The following INVS variants were observed in gnomAD, a reference collection of about 807,000 sequenced individuals.
The protein encoded by INVS is inversion of embryo turning homolog.
A neutral mutation model predicts 108.8 loss-of-function variants in INVS; 86 were observed. The ratio of observed to expected loss-of-function variants is 0.79; its 90% CI spans 0.66 to 0.95. The LOEUF is 0.95. Among genes scored for constraint, INVS ranks in the 40% least tolerant of loss-of-function variants. The pLI, the probability that INVS is intolerant of heterozygous loss-of-function variation, is 0.00. For missense variants in INVS, 1,169 were observed against 1,297.4 expected (o/e 0.90, Z 1.52); for synonymous variants, 455 against 473.5 (o/e 0.96, Z 0.51).
chr9:100,139,156 G>A (rs1828338146), intron 3 of INVS, among the ~76,000 whole-genome samples: 2 of 152,162 alleles, frequency 1.3e-5, no homozygotes, highest in South Asian at 2.1e-4. Context: ...TTTTCATGAT[G>A]CACAATGTGA....
At chr9:100,165,004 G>T (rs1829316202) in intron 3 of INVS, among the ~76,000 whole-genome samples, 1 of 150,494 alleles carries the variant, frequency 6.6e-6, no homozygotes, top group Admixed American at 6.6e-5. Context: ...CTCCCTTCAG[G>T]TGTGATAAAC....
chr9:100,205,810 G>C (rs1447724027), intron 3 of INVS, among the ~76,000 whole-genome samples: 4 of 151,568 alleles, frequency 2.6e-5, no homozygotes, highest in Non-Finnish European at 4.4e-5. Context: ...TGTTTATGTA[G>C]TGCCTACTAT....
intron 3 of INVS, among the ~76,000 whole-genome samples, chr9:100,169,413 G>A (rs565299615): frequency 2.8e-4 from 42 of 152,128 alleles, no homozygotes; most frequent in Non-Finnish European, 5.9e-4. Flanking sequence ...AGAAAAATGA[G>A]TTAGCTCGTT....
At chr9:100,199,951 T>A (rs1830489720) in intron 3 of INVS, among the ~76,000 whole-genome samples, 1 of 152,198 alleles carries the variant, frequency 6.6e-6, no homozygotes, top group African/African-American at 2.4e-5. Context: ...TTTTCTATAT[T>A]GTCCTACAGG....
At position 100,292,967 on chromosome 9, in the gene INVS, CAG is replaced by C. The variant is rs1303311376; in HGVS notation, c.2716_2717del (p.Glu906ThrfsTer96). 1 of 1,613,366 alleles carries C rather than the reference CAG, an allele frequency of 6.2e-7. No homozygotes were observed. Among genetic ancestry groups the C allele is most frequent in the Non-Finnish European group, 8.5e-7 (1 of 1,179,360 alleles). The part of the protein sequence containing the change: ...LPVELRLQII[Q>X]RERRRKELFR... ...CGTAGAGCTCCGACTGCAGATAATT[CAG>C]AGAGAACGAAGGAGGAAGGAGCTGT... is the stretch of plus-strand genomic sequence containing the variant. On this transcript the variant is annotated frameshift_variant, in exon 14 of 17. Transcript: ENST00000262457. LOFTEE classifies it high-confidence loss of function.
rs866210295 is a variant in INVS at position 100,201,023 on chromosome 9, C to T, written c.274-25039C>T. Among the ~76,000 whole-genome samples the T allele has an allele frequency of 3.9e-5, 6 of 152,314 alleles. 1 individual carries two copies. The highest frequency in any genetic ancestry group is 3.9e-4 in the Admixed American group (6 of 15,300). On this transcript the variant is annotated intron_variant, in intron 3 of 16. Transcript: ENST00000262457. ...AAGACAATACTGTCAAGCAGTCAAG[C>T]TACTGCAGCTGCTAGGCTGGCTTGC...
At chr9:100,149,049 CAAA>C (rs11333350) in intron 3 of INVS, among the ~76,000 whole-genome samples, 5 of 144,912 alleles carry the variant, frequency 3.5e-5, no homozygotes, top group Non-Finnish European at 6.1e-5. Context: ...TTCACTGTAG[CAAA>C]AAAAAAAAAA....
chr9:100,197,210 A>G (rs1025249589), intron 3 of INVS, among the ~76,000 whole-genome samples: 3 of 152,140 alleles, frequency 2.0e-5, no homozygotes, highest in Admixed American at 6.5e-5. Flanking sequence ...GGCTCACATA[A>G]CTCAGGGAAA....
At chr9:100,188,289 T>C (rs992616857) in intron 3 of INVS, among the ~76,000 whole-genome samples, 1 of 152,220 alleles carries the variant, frequency 6.6e-6, no homozygotes, top group Non-Finnish European at 1.5e-5. Context: ...ATTTTCCCCA[T>C]TCATTAAGAT....
chr9:100,175,155 TCCTCCCC>T, intron 3 of INVS: 1 of 389,486 alleles, frequency 2.6e-6, no homozygotes, highest in Non-Finnish European at 4.8e-6. Context: ...TTAAATTTTT[TCCTCCCC>T]TTTTTCAATA....
chr9:100,264,768 A>G, intron 10 of INVS, 54 bp from the exon 11 acceptor site: 1 of 1,177,854 alleles, frequency 8.5e-7, no homozygotes, highest in African/African-American at 1.5e-5. Context: ...ATAAATAACC[A>G]CATATCCAAA....
intron 4 of INVS, among the ~76,000 whole-genome samples, chr9:100,226,470 G>C (rs1831326079): frequency 6.6e-6 from 1 of 152,064 alleles, no homozygotes; most frequent in Admixed American, 6.6e-5. Context: ...TGAAGCTCAG[G>C]AAGATTAAAA....
intron 2 of INVS, among the ~76,000 whole-genome samples, chr9:100,113,844 C>G (rs995719254): frequency 6.6e-6 from 1 of 152,084 alleles, no homozygotes; most frequent in Non-Finnish European, 1.5e-5. Flanking sequence ...TCTAACTGTA[C>G]CCATTGACAT....
At chr9:100,228,283 G>T (rs1475396868) in intron 4 of INVS, among the ~76,000 whole-genome samples, 3 of 152,096 alleles carry the variant, frequency 2.0e-5, no homozygotes, top group Non-Finnish European at 4.4e-5. Flanking sequence ...GAGCCACTGC[G>T]CCCAGCCAAA....
chr9:100,123,090 G>A (rs1336452832), intron 2 of INVS, among the ~76,000 whole-genome samples: 2 of 151,694 alleles, frequency 1.3e-5, no homozygotes, highest in South Asian at 2.1e-4. Flanking sequence ...AGAGCTTTTT[G>A]TAATGCTTTA....
chr9:100,232,126 A>G (rs1345037144), intron 5 of INVS, among the ~76,000 whole-genome samples: 4 of 151,334 alleles, frequency 2.6e-5, no homozygotes, highest in Admixed American at 6.6e-5. Context: ...GCTTTTTTTC[A>G]TATGTTTTTT....
At chr9:100,163,695 T>A (rs1385832580) in intron 3 of INVS, among the ~76,000 whole-genome samples, 2 of 151,986 alleles carry the variant, frequency 1.3e-5, no homozygotes, top group Non-Finnish European at 2.9e-5. Context: ...AAGAAAGTAA[T>A]ATTTAAGCAA....
rs3052021 is a variant in INVS, at chr9:100,124,177, A to AGTGTGTGTGT, written c.107-2177_107-2168dup. ...ATTGGAGGTTTTTTATTTGTTTCTGAGTGTGTGTGTGTGTGTGTGTGTGTG... is the reference window on the plus strand; with the variant it reads ...ATTGGAGGTTTTTTATTTGTTTCTGAGTGTGTGTGTGTGTGTGTGTGTGTGTGTGTGTGTG... On this transcript the variant is annotated intron_variant, in intron 2 of 16. Coordinates refer to ENST00000262457, the MANE Select transcript of INVS (RefSeq NM_014425.5). Among the ~76,000 whole-genome samples the AGTGTGTGTGT allele has an allele frequency of 6.2e-4, 90 of 144,228 alleles. 1 individual carries two copies. The highest frequency in any genetic ancestry group is 9.1e-4 in the South Asian group (4 of 4,408). The allele number at this position is 144,228 out of a possible 152,430, so 94.6% of individuals were successfully genotyped here.
At chr9:100,166,309 G>C (rs1446939319) in intron 3 of INVS, among the ~76,000 whole-genome samples, 1 of 152,104 alleles carries the variant, frequency 6.6e-6, no homozygotes, top group East Asian at 1.9e-4. Context: ...AGGAGTTCAA[G>C]ACCAGCCCTG....
Sources: allele counts gnomAD v4.1 joint callset (sites outside exome capture counted in the v4.1 genomes callset), GRCh38; gene constraint gnomAD v4.1.1; transcripts MANE v1.5; gene names NCBI Gene and HGNC (gene_info 2026-07-23, HGNC 2026-07-21).